Variants in SMC6 observed in about 807,000 individuals in gnomAD.
The protein encoded by SMC6 is structural maintenance of chromosomes protein 6.
SMC6 carries 79 observed loss-of-function variants against 142.2 expected under a neutral mutation model. The ratio of observed to expected loss-of-function variants is 0.56; its 90% confidence interval spans 0.46 to 0.67. The LOEUF (loss-of-function observed/expected upper bound fraction) is 0.67, where lower values mean the gene tolerates loss of function less well. Ranked by LOEUF, SMC6 falls within the 30% of genes least tolerant of loss-of-function variation. The probability of loss-of-function intolerance (pLI) is 0.00; values close to 1 mark genes in which losing one functional copy is unlikely to be tolerated. For synonymous variants in SMC6, 411 were observed against 412.4 expected (o/e 1.00, Z 0.04); for missense variants, 1,072 against 1,284.0 (o/e 0.83, Z 2.52).
chr2:17,709,164 C>A (rs1668694511), intron 16 of SMC6, among the ~76,000 whole-genome samples: 1 of 152,006 alleles, frequency 6.6e-6, no homozygotes, highest in Non-Finnish European at 1.5e-5. Flanking sequence ...GCTCTAGAGT[C>A]CAGATTCTTA....
chr2:17,721,787 C>T (rs1167915417), intron 9 of SMC6, among the ~76,000 whole-genome samples: 6 of 151,946 alleles, frequency 3.9e-5, no homozygotes, highest in African/African-American at 1.5e-4. Flanking sequence ...CCTCCACCTC[C>T]CAGGTTCAAG....
chr2:17,726,460 G>T lies in SMC6; in HGVS notation c.553C>A (p.Pro185Thr), dbSNP rs778431860. The change falls in exon 8 of 28, where the codon CCA becomes ACA. Residue 185 changes from proline (P) to threonine (T), a missense_variant. Pro to Thr is a conservative substitution (Grantham distance 38). This residue lies in a region of SMC6 where 994 missense variants were observed against 1,153.2 expected (regional missense o/e 0.86). Transcript: ENST00000448223. ...ATTTCTTGTGTTAAAACAGAAACTG[G>T]ATTATCCACCTCAAACAAACAAAAA... Reference protein sequence around the residue: ...LDHFNIQVDNPVSVLTQEMSK... With the variant: ...LDHFNIQVDNTVSVLTQEMSK... 2 of 1,609,920 alleles carry T rather than the reference G, an allele frequency of 1.2e-6. No individual in the cohort carries two copies. Among genetic ancestry groups the T allele is most frequent in the South Asian group, 1.1e-5 (1 of 90,142 alleles).
At position 17,665,412 on chromosome 2, in the gene SMC6, G is replaced by A; in HGVS notation, c.*87C>T. ...TTTCTTTCATTTCAGAATGCCTCCA[G>A]TCTCATTTTATTATATCAAAGAGTC... is the stretch of plus-strand genomic sequence containing the variant. On this transcript the variant is annotated 3_prime_UTR_variant, in exon 28 of 28. Coordinates refer to ENST00000448223, the MANE Select transcript of SMC6 (RefSeq NM_001142286.2). 1 of 698,980 alleles carries A rather than the reference G, an allele frequency of 1.4e-6. No homozygotes were observed. The highest frequency in any genetic ancestry group is 2.2e-6 in the Non-Finnish European group (1 of 449,358). The allele number at this position is 698,980 out of a possible 1,614,324, so 43.3% of individuals were successfully genotyped here.
rs1666386083 is a variant in SMC6, at chr2:17,663,966, C to T, written c.*1533G>A. The T allele has an allele frequency of 1.3e-5, 2 of 152,068 alleles. No individual in the cohort carries two copies. The allele number at this position is 152,068 out of a possible 1,614,324, so 9.4% of individuals were successfully genotyped here. On this transcript the variant is annotated 3_prime_UTR_variant, in exon 28 of 28. Transcript: ENST00000448223. Reference sequence around the variant, plus strand: ...AGTTGAAATCAAAACTTTGTGAGGCCAAAGCAATGAATAATCTTCAATTCA... The same window carrying T: ...AGTTGAAATCAAAACTTTGTGAGGCTAAAGCAATGAATAATCTTCAATTCA...
chr2:17,723,089 A>G lies in SMC6; in HGVS notation c.727-1828T>C, dbSNP rs534268221. 2.0e-5 allele frequency among the ~76,000 whole-genome samples: 3 copies of G among 152,006 alleles called. No homozygotes were observed. The South Asian group carries it at 6.2e-4, about 32-fold the overall frequency. ...ATCTCAATAAACTTACTGTACTACTAAAGTAATTAATCTGGAGGTCATTCA... is the reference window on the plus strand; with the variant it reads ...ATCTCAATAAACTTACTGTACTACTGAAGTAATTAATCTGGAGGTCATTCA... On this transcript the variant is annotated intron_variant, in intron 9 of 27. Transcript: ENST00000448223.
intron 15 of SMC6, among the ~76,000 whole-genome samples, chr2:17,715,456 C>G (rs928978892): frequency 6.6e-6 from 1 of 150,628 alleles, no homozygotes; most frequent in Non-Finnish European, 1.5e-5. Context: ...AAAAAAAAAG[C>G]CTCATCCTTT....
At chr2:17,669,060 C>G (rs1332900434) in intron 26 of SMC6, among the ~76,000 whole-genome samples, 2 of 152,008 alleles carry the variant, frequency 1.3e-5, no homozygotes, top group Non-Finnish European at 2.9e-5. Flanking sequence ...GGAAGAATAT[C>G]AGTGAGAAAG....
At chr2:17,681,308 T>A (rs958654288) in intron 24 of SMC6, 2 of 152,224 alleles carry the variant, frequency 1.3e-5, no homozygotes, top group African/African-American at 4.8e-5. Flanking sequence ...TTTCTTCATA[T>A]CAACAATAAG....
intron 25 of SMC6, among the ~76,000 whole-genome samples, chr2:17,675,036 C>T (rs1057212263): frequency 8.5e-5 from 13 of 152,140 alleles, no homozygotes; most frequent in African/African-American, 3.1e-4. Flanking sequence ...AGATCTGAGC[C>T]ATGCATCTCC....
intron 23 of SMC6, among the ~76,000 whole-genome samples, chr2:17,686,456 TG>T (rs1025067711): frequency 6.6e-5 from 10 of 152,134 alleles, no homozygotes; most frequent in Admixed American, 3.3e-4. Context: ...CTCTCCAGCA[TG>T]GGCAACAGAG....
chr2:17,743,034 G>T (rs1378914834), intron 3 of SMC6, among the ~76,000 whole-genome samples: 1 of 152,128 alleles, frequency 6.6e-6, no homozygotes, highest in Non-Finnish European at 1.5e-5. Flanking sequence ...ACAAAATGTA[G>T]CCTCTTGGGA....
At chr2:17,741,449 TAA>T (rs1670467930) in intron 4 of SMC6, among the ~76,000 whole-genome samples, 161 bp downstream of exon 4, 1 of 152,218 alleles carries the variant, frequency 6.6e-6, no homozygotes, top group African/African-American at 2.4e-5. Flanking sequence ...GTATTTTCTT[TAA>T]GTGTACACTG....
At chr2:17,746,499 T>A (rs956452491) in intron 2 of SMC6, 1 of 152,174 alleles carries the variant, frequency 6.6e-6, no homozygotes, top group Admixed American at 6.5e-5. Context: ...TATAAAGTAA[T>A]CAGATAAAAC....
intron 7 of SMC6, among the ~76,000 whole-genome samples, chr2:17,730,246 T>A (rs1275156561): frequency 6.6e-6 from 1 of 152,208 alleles, no homozygotes; most frequent in African/African-American, 2.4e-5. Flanking sequence ...TACCCTATTA[T>A]CAATTAATTC....
intron 18 of SMC6, among the ~76,000 whole-genome samples, chr2:17,703,871 A>G (rs1668383970): frequency 6.6e-6 from 1 of 152,088 alleles, no homozygotes; most frequent in Non-Finnish European, 1.5e-5. Flanking sequence ...AATACCTATA[A>G]CATCTAAAAT....
chr2:17,676,606 T>C (rs1667003719), intron 25 of SMC6, among the ~76,000 whole-genome samples: 1 of 152,124 alleles, frequency 6.6e-6, no homozygotes, highest in Non-Finnish European at 1.5e-5. Context: ...TTAATGAAAA[T>C]TGAGTTGAGG....
At position 17,718,358 on chromosome 2, in the gene SMC6, C is replaced by T. The variant is rs1456744863; in HGVS notation, c.946-135G>A. The T allele has an allele frequency of 9.7e-6, 5 of 514,376 alleles. No individual in the cohort carries two copies. The East Asian group carries it at 1.7e-4, about 17-fold the overall frequency. The allele number at this position is 514,376 out of a possible 1,614,324, so 31.9% of individuals were successfully genotyped here. A position where few individuals can be genotyped will look rare whatever the true frequency, so the allele number is the denominator to read the frequency against. The stretch of plus-strand genomic sequence containing the variant: ...CATCAGGCAAATAAACATAACATAA[C>T]ATTATATAAAATACTATAATATAAT... On this transcript the variant is annotated intron_variant, in intron 11 of 27. Coordinates refer to ENST00000448223, the MANE Select transcript of SMC6 (RefSeq NM_001142286.2).
Position 17,739,879 on chromosome 2 carries a change from A to AACACACACACACACACACAC in SMC6, c.239-1573_239-1554dup, listed in dbSNP as rs60784309. On this transcript the variant is annotated intron_variant, in intron 4 of 27. Transcript: ENST00000448223. ...ACACACACACACAGAGAATATGGTA[A>AACACACACACACACACACAC]ACACACACACACACACACACACACA... is the stretch of plus-strand genomic sequence containing the variant. Among the ~76,000 whole-genome samples, 17 of 115,538 alleles carry AACACACACACACACACACAC rather than the reference A, an allele frequency of 1.5e-4. 1 individual carries two copies. The highest frequency in any genetic ancestry group is 1.4e-3 in the East Asian group (4 of 2,890). The allele number at this position is 115,538 out of a possible 152,430, so 75.8% of individuals were successfully genotyped here.
intron 20 of SMC6, among the ~76,000 whole-genome samples, chr2:17,700,873 T>C (rs1209809851): frequency 1.3e-5 from 2 of 151,468 alleles, no homozygotes; most frequent in Non-Finnish European, 2.9e-5. Flanking sequence ...CTTTACTAAA[T>C]AAAAAATTAG....
Sources: allele counts gnomAD v4.1 joint callset (sites outside exome capture counted in the v4.1 genomes callset), GRCh38; gene constraint gnomAD v4.1.1; regional missense constraint gnomAD v4.1.1; transcripts MANE v1.5; gene names NCBI Gene and HGNC (gene_info 2026-07-23, HGNC 2026-07-21).